The following PARD3B variants were observed in gnomAD, a reference collection of about 807,000 sequenced individuals.
PARD3B encodes par-3 family cell polarity regulator beta, also known as partitioning defective 3 homolog B.
A neutral mutation model predicts 130.2 loss-of-function variants in PARD3B; 103 were observed. That is an observed-to-expected ratio of 0.79 (90% confidence interval 0.67 to 0.93). The LOEUF (loss-of-function observed/expected upper bound fraction) is 0.93, where lower values mean the gene tolerates loss of function less well. Ranked by LOEUF, PARD3B falls within the 40% of genes least tolerant of loss-of-function variation. The pLI is 0.00. For synonymous variants in PARD3B, 583 were observed against 553.2 expected (o/e 1.05, Z -0.76); for missense variants, 1,609 against 1,499.2 (o/e 1.07, Z -1.21).
At chr2:205,381,414 T>A (rs1285634828) in intron 18 of PARD3B, among the ~76,000 whole-genome samples, 1 of 151,272 alleles carries the variant, frequency 6.6e-6, no homozygotes, top group Non-Finnish European at 1.5e-5. Flanking sequence ...TAATTACATA[T>A]GTCGTTAAGT....
At position 204,906,119 on chromosome 2, in the gene PARD3B, G is replaced by A. The variant is rs114694916; in HGVS notation, c.223-59033G>A. On this transcript the variant is annotated intron_variant, in intron 2 of 22. Coordinates refer to ENST00000406610, the MANE Select transcript of PARD3B (RefSeq NM_001302769.2). The surrounding 1 kb of genome is among the most constrained non-coding windows in gnomAD (Gnocchi z 4.3). The stretch of plus-strand genomic sequence containing the variant: ...TTCCTGATGGTAGTTTGTGATTGAT[G>A]TAGTGCCAACTCTTATTTCTCATCT... Among the ~76,000 whole-genome samples the A allele has an allele frequency of 4.2e-3, 636 of 152,272 alleles. 5 individuals carry two copies. Among genetic ancestry groups the A allele is most frequent in the African/African-American group, 0.014 (600 of 41,562 alleles).
chr2:205,195,022 C>T (rs1028516183), intron 15 of PARD3B, among the ~76,000 whole-genome samples: 2 of 145,868 alleles, frequency 1.4e-5, no homozygotes, highest in Non-Finnish European at 1.5e-5. Context: ...TGTTCTCGAA[C>T]TCCTGACCTC....
intron 1 of PARD3B, among the ~76,000 whole-genome samples, chr2:204,576,484 A>G (rs773026118): frequency 6.6e-6 from 1 of 152,116 alleles, no homozygotes; most frequent in African/African-American, 2.4e-5. Context: ...TAACTCTTCT[A>G]TCTGGTGGTT....
At chr2:205,456,138 C>G (rs887126978) in intron 20 of PARD3B, among the ~76,000 whole-genome samples, 2 of 152,064 alleles carry the variant, frequency 1.3e-5, no homozygotes, top group Non-Finnish European at 2.9e-5. Flanking sequence ...CTTCTTACTT[C>G]TGAGTAGTAA....
intron 15 of PARD3B, among the ~76,000 whole-genome samples, chr2:205,223,874 G>T (rs747306348): frequency 1.3e-5 from 2 of 152,060 alleles, no homozygotes; most frequent in East Asian, 3.9e-4. Context: ...AATCACATCA[G>T]AGTAAATGGG....
chr2:204,699,455 C>G (rs141465436), intron 2 of PARD3B, among the ~76,000 whole-genome samples: 2 of 152,012 alleles, frequency 1.3e-5, no homozygotes, highest in Non-Finnish European at 2.9e-5. Context: ...TCAGAACATG[C>G]CACTCTTCCC....
chr2:205,435,180 G>A (rs535436247), intron 19 of PARD3B, among the ~76,000 whole-genome samples: 112 of 151,832 alleles, frequency 7.4e-4, no homozygotes, highest in Non-Finnish European at 1.2e-3. Flanking sequence ...AATTTTTTGT[G>A]TATTCTTCCA....
intron 2 of PARD3B, among the ~76,000 whole-genome samples, chr2:204,874,804 C>T (rs896628347): frequency 6.6e-6 from 1 of 152,100 alleles, no homozygotes; most frequent in Non-Finnish European, 1.5e-5. Flanking sequence ...TAGCTTGGTT[C>T]TACAAGTGCA....
intron 5 of PARD3B, among the ~76,000 whole-genome samples, chr2:205,112,020 T>C (rs1464152099): frequency 3.9e-5 from 6 of 152,114 alleles, no homozygotes; most frequent in Non-Finnish European, 7.4e-5. Flanking sequence ...ATAATGCATA[T>C]CTATATATAA....
intron 2 of PARD3B, among the ~76,000 whole-genome samples, chr2:204,726,139 G>C (rs1407003387): frequency 6.6e-6 from 1 of 152,136 alleles, no homozygotes; most frequent in South Asian, 2.1e-4. Flanking sequence ...GCATAGCTTC[G>C]CTCAGTAAAA....
chr2:205,237,620 AT>A (rs1410419112), intron 15 of PARD3B, among the ~76,000 whole-genome samples: 1 of 152,056 alleles, frequency 6.6e-6, no homozygotes, highest in Non-Finnish European at 1.5e-5. Flanking sequence ...ATATAGTGTG[AT>A]TTTTCTATAA....
Position 204,861,924 on chromosome 2 carries a change from C to CAAAAAAAAAAA in PARD3B, c.223-103211_223-103201dup, listed in dbSNP as rs60473341. ...AAGACATTTAAAAGAAGACATTTCT[C>CAAAAAAAAAAA]AAAAAAAAAAAAAAAAAAAAAAAAA... is the stretch of plus-strand genomic sequence containing the variant. On this transcript the variant is annotated intron_variant, in intron 2 of 22. Coordinates refer to ENST00000406610, the MANE Select transcript of PARD3B (RefSeq NM_001302769.2). Among the ~76,000 whole-genome samples the CAAAAAAAAAAA allele has an allele frequency of 5.6e-4, 19 of 34,076 alleles. 1 individual carries two copies. The highest frequency in any genetic ancestry group is 1.7e-3 in the East Asian group (2 of 1,148). The allele number at this position is 34,076 out of a possible 152,430, so 22.4% of individuals were successfully genotyped here. A position where few individuals can be genotyped will look rare whatever the true frequency, so the allele number is the denominator to read the frequency against.
At chr2:204,888,224 T>G (rs1246529916) in intron 2 of PARD3B, among the ~76,000 whole-genome samples, 1 of 152,146 alleles carries the variant, frequency 6.6e-6, no homozygotes, top group Admixed American at 6.5e-5. Context: ...TTGAGATTTA[T>G]CAACAATAAG....
At chr2:204,871,679 C>G (rs1459057219) in intron 2 of PARD3B, among the ~76,000 whole-genome samples, 1 of 152,110 alleles carries the variant, frequency 6.6e-6, no homozygotes, top group Non-Finnish European at 1.5e-5. Flanking sequence ...TACAAACTCA[C>G]TGCTTGCATA....
At chr2:204,640,323 C>G (rs2035032522) in intron 1 of PARD3B, among the ~76,000 whole-genome samples, 1 of 152,156 alleles carries the variant, frequency 6.6e-6, no homozygotes, top group African/African-American at 2.4e-5. Flanking sequence ...AGTGGTGACC[C>G]TTCAGGAGGC....
At chr2:204,628,128 T>C (rs16836416) in intron 1 of PARD3B, among the ~76,000 whole-genome samples, 1 of 152,108 alleles carries the variant, frequency 6.6e-6, no homozygotes, top group African/African-American at 2.4e-5. Context: ...TGTATATGTT[T>C]AACTTGGTTT....
rs1009335618 is a variant in PARD3B, at chr2:205,351,934, G to A, written c.2631-49079G>A. Among the ~76,000 whole-genome samples, 1 of 152,016 alleles carries A rather than the reference G, an allele frequency of 6.6e-6. No individual in the cohort carries two copies. Among genetic ancestry groups the A allele is most frequent in the Non-Finnish European group, 1.5e-5 (1 of 68,008 alleles). ...CAAGCTACCTGCCTCCCAGGTACAC[G>A]CGTATTGCTGAGGAAACACAACCAA... On this transcript the variant is annotated intron_variant, in intron 18 of 22. Transcript: ENST00000406610. The surrounding 1 kb of genome is among the most constrained non-coding windows in gnomAD (Gnocchi z 4.2).
intron 21 of PARD3B, among the ~76,000 whole-genome samples, chr2:205,542,007 A>G (rs959782918): frequency 1.3e-5 from 2 of 151,764 alleles, no homozygotes; most frequent in African/African-American, 4.8e-5. Flanking sequence ...GCTAGGCATG[A>G]TGGTTCATGC....
At position 205,125,244 on chromosome 2, in the gene PARD3B, T is replaced by C. The variant is rs1354340261; in HGVS notation, c.1306-365T>C. The stretch of plus-strand genomic sequence containing the variant: ...GTTCGTATTTGCAGAGAAATTTGCC[T>C]TGTGATCATGGTTCACTCTGCTTGT... On this transcript the variant is annotated intron_variant, in intron 9 of 22. Transcript: ENST00000406610. This position sits in a 1 kb window ranked among gnomAD's most constrained non-coding sequence, Gnocchi z 4.0. Among the ~76,000 whole-genome samples the C allele has an allele frequency of 6.6e-6, 1 of 152,210 alleles. No homozygotes were observed. The highest frequency in any genetic ancestry group is 1.5e-5 in the Non-Finnish European group (1 of 68,038).
Sources: allele counts gnomAD v4.1 joint callset (sites outside exome capture counted in the v4.1 genomes callset), GRCh38; gene constraint gnomAD v4.1.1; non-coding constraint Gnocchi (gnomAD v3.1); transcripts MANE v1.5; gene names NCBI Gene and HGNC (gene_info 2026-07-23, HGNC 2026-07-21).